ANXA9: variants seen among roughly 807,000 people sequenced by gnomAD.
ANXA9 encodes annexin 31.
ANXA9 carries 47 observed loss-of-function variants against 51.8 expected under a neutral mutation model. The ratio of observed to expected loss-of-function variants is 0.91; its 90% confidence interval spans 0.72 to 1.16. The LOEUF (loss-of-function observed/expected upper bound fraction) is 1.16, where lower values mean the gene tolerates loss of function less well. Ranked by LOEUF, ANXA9 falls within the 50% of genes most tolerant of loss-of-function variation. The pLI is 0.00. For synonymous variants in ANXA9, 154 were observed against 168.7 expected, an observed-to-expected ratio of 0.91 and a Z score of 0.68; for missense variants, 361 against 424.7, an observed-to-expected ratio of 0.85 and a Z score of 1.32.
intron 9 of ANXA9, 117 bp downstream of exon 9, chr1:150,986,778 T>C (rs963982692): frequency 2.9e-5 from 30 of 1,029,802 alleles, no homozygotes; most frequent in Non-Finnish European, 4.0e-5. Context: ...ATCCCTGCCT[T>C]GGAGAGGGAG....
At chr1:150,994,976 C>T (rs1167589067) in intron 13 of ANXA9, 1 of 299,452 alleles carries the variant, frequency 3.3e-6, no homozygotes, top group African/African-American at 2.3e-5. Context: ...CCTGTAATCC[C>T]AGCTACTCAG....
upstream of ANXA9, among the ~76,000 whole-genome samples, chr1:150,978,548 A>C (rs1420441929): frequency 6.6e-6 from 1 of 152,186 alleles, no homozygotes; most frequent in African/African-American, 2.4e-5. Flanking sequence ...AGGGAGCCCA[A>C]ATCTGCCTCG....
At chr1:150,984,927 T>A (rs1394470919) in intron 7 of ANXA9, among the ~76,000 whole-genome samples, 1 of 150,718 alleles carries the variant, frequency 6.6e-6, no homozygotes, top group Non-Finnish European at 1.5e-5. Flanking sequence ...TTTGGGAGGC[T>A]GAGGTGGGCA....
intron 12 of ANXA9, among the ~76,000 whole-genome samples, chr1:150,991,723 G>A (rs908625701): frequency 3.3e-5 from 5 of 151,352 alleles, no homozygotes; most frequent in Non-Finnish European, 7.4e-5. Context: ...TTTGTTTTTA[G>A]TAGAAACAGG....
Position 150,987,962 on chromosome 1 carries a change from C to A in ANXA9, c.697+6C>A. On this transcript the variant is annotated splice_donor_region_variant and intron_variant, in intron 10 of 13. Transcript: ENST00000368947. ...TCCTGAACACCTCATCCGAGGTACACACAAGCCTTCTTGTCCCCCTAGCTT... is the reference window on the plus strand; with the variant it reads ...TCCTGAACACCTCATCCGAGGTACAAACAAGCCTTCTTGTCCCCCTAGCTT... 6.2e-7 allele frequency: 1 copy of A among 1,614,124 alleles called. No homozygotes were observed.
chr1:150,987,282 G>A (rs12073630), intron 9 of ANXA9, among the ~76,000 whole-genome samples: 11,700 of 151,726 alleles, frequency 0.077, 555 homozygotes, highest in African/African-American at 0.13. Context: ...CTTGAGCCTG[G>A]GAAGTTGAGG....
chr1:150,993,772 T>C (rs764878078), intron 12 of ANXA9, among the ~76,000 whole-genome samples: 5 of 151,678 alleles, frequency 3.3e-5, no homozygotes, highest in Non-Finnish European at 5.9e-5. Flanking sequence ...GTAGCTGGGA[T>C]TGCAGGCACC....
intron 12 of ANXA9, among the ~76,000 whole-genome samples, chr1:150,992,743 G>T (rs1159605308): frequency 6.6e-6 from 1 of 152,154 alleles, no homozygotes; most frequent in Non-Finnish European, 1.5e-5. Flanking sequence ...GGGAGGCGGA[G>T]GTTGCAGTGA....
At position 150,986,414 on chromosome 1, in the gene ANXA9, A is replaced by C. The variant is rs759614519; in HGVS notation, c.551A>C (p.Lys184Thr). ...CAGGACCTGCTGTTGGCCCTGGCCA[A>C]GGTGAGGAGGACTGACCTGCAAGGA... ...ILQDLLLALA[K>T]GGRDSYSGII... The change falls in exon 8 of 14, where the codon AAG becomes ACG. Residue 184 changes from lysine to threonine, a missense_variant and splice_region_variant. By Grantham distance (78) the Lys-to-Thr change is moderately conservative. Transcript: ENST00000368947. 21 of 1,614,042 alleles carry C rather than the reference A, an allele frequency of 1.3e-5. No homozygotes were observed. Among genetic ancestry groups the C allele is most frequent in the Non-Finnish European group, 1.8e-5 (21 of 1,179,898 alleles).
chr1:150,995,535 G>C lies in ANXA9; in HGVS notation c.*213G>C. Reference sequence around the variant, plus strand: ...TACCTGGGTCATCCAGCTCCTTCTTGGGTGTGGGGAAATGAGTTTTCTTTG... The same window carrying C: ...TACCTGGGTCATCCAGCTCCTTCTTCGGTGTGGGGAAATGAGTTTTCTTTG... On this transcript the variant is annotated 3_prime_UTR_variant, in exon 14 of 14. Transcript: ENST00000368947. The C allele has an allele frequency of 2.1e-6, 1 of 479,832 alleles. No individual in the cohort carries two copies. Among genetic ancestry groups the C allele is most frequent in the Non-Finnish European group, 3.7e-6 (1 of 273,934 alleles). 29.7% of individuals were successfully genotyped at this position (479,832 alleles called of 1,614,324 possible).
In ANXA9 at chr1:150,988,461, CCCAGGGCTTACACA is replaced by C. The variant is rs949681498; in HGVS notation, c.852+135_852+148del. On this transcript the variant is annotated intron_variant, in intron 12 of 13. Coordinates refer to ENST00000368947, the MANE Select transcript of ANXA9 (RefSeq NM_003568.3). ...GTCTAAACCTCAAGCCGCTCTCCTT[CCCAGGGCTTACACA>C]CCAGGGCTTACACAGGGGTGGAGGA... is the stretch of plus-strand genomic sequence containing the variant. 2.1e-5 allele frequency: 26 copies of C among 1,224,880 alleles called. No homozygotes were observed. In the Admixed American group the frequency reaches 5.1e-4, roughly 24 times the overall value. 75.9% of individuals were successfully genotyped at this position (1,224,880 alleles called of 1,614,324 possible).
chr1:150,979,289 C>T (rs979812041), upstream of ANXA9, among the ~76,000 whole-genome samples: 1 of 151,814 alleles, frequency 6.6e-6, no homozygotes, highest in Non-Finnish European at 1.5e-5. Flanking sequence ...AGAGATTCGG[C>T]GTGAGGAAAC....
At chr1:150,987,662 A>C (rs1468901271) in intron 9 of ANXA9, among the ~76,000 whole-genome samples, 1 of 149,306 alleles carries the variant, frequency 6.7e-6, no homozygotes, top group Non-Finnish European at 1.5e-5. Context: ...TGGGAGGCAG[A>C]GGTTGTGGTG....
At chr1:150,989,136 C>T (rs1335476731) in intron 12 of ANXA9, among the ~76,000 whole-genome samples, 1 of 151,926 alleles carries the variant, frequency 6.6e-6, no homozygotes, top group Non-Finnish European at 1.5e-5. Context: ...CCCGCCACCA[C>T]ATTATCCTAA....
intron 12 of ANXA9, 95 bp from the exon 13 acceptor site, chr1:150,994,482 G>A (rs1364593123): frequency 6.4e-7 from 1 of 1,557,996 alleles, no homozygotes; most frequent in Non-Finnish European, 8.7e-7. Context: ...CTCCCACCTT[G>A]CCTCCCCTTC....
chr1:150,993,529 C>T (rs958443434), intron 12 of ANXA9, among the ~76,000 whole-genome samples: 9 of 151,778 alleles, frequency 5.9e-5, no homozygotes, highest in East Asian at 1.9e-4. Context: ...AGGCTGGTCT[C>T]GAACTCCTGA....
chr1:150,979,187 G>T (rs1262587239), upstream of ANXA9, among the ~76,000 whole-genome samples: 9 of 151,188 alleles, frequency 6.0e-5, no homozygotes, highest in South Asian at 4.3e-4. Context: ...CTCCTCACAG[G>T]CAAGGACTTC....
intron 13 of ANXA9, 27 bp from the exon 14 acceptor site, chr1:150,995,233 T>C: frequency 6.2e-7 from 1 of 1,603,394 alleles, no homozygotes; most frequent in South Asian, 1.1e-5. Context: ...GGTGGATCTT[T>C]CTAACACTGA....
intron 12 of ANXA9, among the ~76,000 whole-genome samples, chr1:150,991,976 A>C (rs1175921907): frequency 2.6e-5 from 4 of 152,034 alleles, no homozygotes; most frequent in Admixed American, 1.3e-4. Context: ...CATGTTGACC[A>C]GGCTGGTCTC....
Sources: allele counts gnomAD v4.1 joint callset (sites outside exome capture counted in the v4.1 genomes callset), GRCh38; gene constraint gnomAD v4.1.1; transcripts MANE v1.5; gene names NCBI Gene and HGNC (gene_info 2026-07-23, HGNC 2026-07-21).